The following PRKCA variants were observed in gnomAD, a reference collection of about 807,000 sequenced individuals.
The protein encoded by PRKCA is protein kinase C alpha, also known as protein kinase C alpha type.
PRKCA carries 27 observed loss-of-function variants against 87.0 expected under a neutral mutation model. The observed-to-expected ratio is 0.31, with a 90% CI of 0.23 to 0.43. The LOEUF (loss-of-function observed/expected upper bound fraction) is 0.43, where lower values mean the gene tolerates loss of function less well. PRKCA is among the 20% of genes least tolerant of loss of function. The probability of loss-of-function intolerance (pLI) is 1.00; values close to 1 mark genes in which losing one functional copy is unlikely to be tolerated. For synonymous variants in PRKCA, 329 were observed against 311.1 expected (o/e 1.06, Z -0.61); for missense variants, 518 against 852.3 (o/e 0.61, Z 4.88).
chr17:66,634,221 G>C (rs1971094824), intron 3 of PRKCA, among the ~76,000 whole-genome samples: 1 of 152,138 alleles, frequency 6.6e-6, no homozygotes, highest in South Asian at 2.1e-4. Flanking sequence ...TTTCCTAAGA[G>C]GTTTAGATTT....
At chr17:66,414,028 AG>A (rs1411906607) in intron 2 of PRKCA, among the ~76,000 whole-genome samples, 9 of 142,490 alleles carry the variant, frequency 6.3e-5, no homozygotes, top group Non-Finnish European at 1.2e-4. Flanking sequence ...AAAAAAAAAA[AG>A]ATTAAATATG....
chr17:66,679,416 C>T (rs902702554), intron 5 of PRKCA, among the ~76,000 whole-genome samples: 1 of 152,096 alleles, frequency 6.6e-6, no homozygotes, highest in Admixed American at 6.6e-5. Context: ...CTCCTGACCT[C>T]GTGATCCACC....
chr17:66,622,388 A>G (rs2143699546), intron 3 of PRKCA, among the ~76,000 whole-genome samples: 1 of 152,374 alleles, frequency 6.6e-6, no homozygotes, highest in South Asian at 2.1e-4. Context: ...ATTTTAGCCC[A>G]ACAGGGCAGA....
In PRKCA at chr17:66,807,034, C is replaced by T. The variant is rs911031289; in HGVS notation, c.*2997C>T. 6 of 152,402 alleles carry T rather than the reference C, an allele frequency of 3.9e-5. 1 individual carries two copies. Among genetic ancestry groups the T allele is most frequent in the African/African-American group, 1.4e-4 (6 of 41,596 alleles). 9.4% of individuals were successfully genotyped at this position (152,402 alleles called of 1,614,324 possible). On this transcript the variant is annotated 3_prime_UTR_variant, in exon 17 of 17. Transcript: ENST00000413366. This position sits in a 1 kb window ranked among gnomAD's most constrained non-coding sequence, Gnocchi z 4.3. The stretch of plus-strand genomic sequence containing the variant: ...GATAACCATGAGCAATGGCTCGCCT[C>T]AGAATCAGTTCATAAAATTCTATGG...
chr17:66,624,385 G>A (rs1367970983), intron 3 of PRKCA, among the ~76,000 whole-genome samples: 1 of 152,178 alleles, frequency 6.6e-6, no homozygotes, highest in Admixed American at 6.5e-5. Flanking sequence ...GTAGTACTTT[G>A]GGGAAGGAGT....
At chr17:66,795,020 G>A (rs903441880) in intron 16 of PRKCA, among the ~76,000 whole-genome samples, 13 of 151,826 alleles carry the variant, frequency 8.6e-5, no homozygotes, top group African/African-American at 2.9e-4. Context: ...CATTTTTTTT[G>A]CCATTACTTT....
chr17:66,749,924 A>T (rs1413890804), intron 13 of PRKCA, among the ~76,000 whole-genome samples: 1 of 151,978 alleles, frequency 6.6e-6, no homozygotes, highest in African/African-American at 2.4e-5. Context: ...AGGTTGGGGG[A>T]CCTGAGTGAA....
chr17:66,545,541 A>G (rs561189580), intron 3 of PRKCA, among the ~76,000 whole-genome samples: 5 of 152,290 alleles, frequency 3.3e-5, no homozygotes, highest in African/African-American at 1.2e-4. Flanking sequence ...TGCATTCCTG[A>G]GTGTGAGCTA....
At chr17:66,366,945 G>GT (rs1394589197) in intron 2 of PRKCA, among the ~76,000 whole-genome samples, 1 of 152,158 alleles carries the variant, frequency 6.6e-6, no homozygotes, top group Non-Finnish European at 1.5e-5. Context: ...AACAGGTGAG[G>GT]TTTTTACTCC....
At chr17:66,786,649 T>C (rs1226366607) in intron 14 of PRKCA, among the ~76,000 whole-genome samples, 1 of 152,176 alleles carries the variant, frequency 6.6e-6, no homozygotes, top group Non-Finnish European at 1.5e-5. Flanking sequence ...CAGGGCAAGA[T>C]AATTAACGAG....
intron 2 of PRKCA, among the ~76,000 whole-genome samples, chr17:66,493,171 T>A (rs566879473): frequency 1.3e-5 from 2 of 152,350 alleles, no homozygotes; most frequent in African/African-American, 4.8e-5. Context: ...AATCACATTA[T>A]ATTATGATTA....
chr17:66,458,512 A>G lies in PRKCA; in HGVS notation c.206-37689A>G, dbSNP rs145430822. Among the ~76,000 whole-genome samples, 936 of 149,586 alleles carry G rather than the reference A, an allele frequency of 6.3e-3. 14 individuals are homozygous for G. Among genetic ancestry groups the G allele is most frequent in the African/African-American group, 0.02 (826 of 40,570 alleles). The stretch of plus-strand genomic sequence containing the variant: ...TTTTTTTTTTTGAGACGGGGTTTCT[A>G]TTCTGTCGCCCAGGCTGGAGTGTAG... On this transcript the variant is annotated intron_variant, in intron 2 of 16. Coordinates refer to ENST00000413366, the MANE Select transcript of PRKCA (RefSeq NM_002737.3).
Position 66,562,153 on chromosome 17 carries a change from A to ATATATATAATTAAG in PRKCA, c.288+65871_288+65872insATATATAATTAAGT, listed in dbSNP as rs1567899870. 1.8e-3 allele frequency among the ~76,000 whole-genome samples: 61 copies of ATATATATAATTAAG among 34,194 alleles called. 6 individuals carry two copies. Among genetic ancestry groups the ATATATATAATTAAG allele is most frequent in the Middle Eastern group, 0.014 (1 of 70 alleles). 22.4% of individuals were successfully genotyped at this position (34,194 alleles called of 152,430 possible). On this transcript the variant is annotated intron_variant, in intron 3 of 16. Coordinates refer to ENST00000413366, the MANE Select transcript of PRKCA (RefSeq NM_002737.3). ...ATAATTAAATTATATATATAATTAA[A>ATATATATAATTAAG]TTATATATATAATTAAATATATATA...
chr17:66,545,877 A>C (rs1171210821), intron 3 of PRKCA, among the ~76,000 whole-genome samples: 1 of 152,240 alleles, frequency 6.6e-6, no homozygotes, highest in Non-Finnish European at 1.5e-5. Context: ...TTTTAGGAAA[A>C]AAAGTAAATT....
intron 3 of PRKCA, among the ~76,000 whole-genome samples, chr17:66,629,470 T>G (rs1176122283): frequency 6.6e-6 from 1 of 152,200 alleles, no homozygotes; most frequent in East Asian, 1.9e-4. Context: ...GATGGGATCT[T>G]GCAGACTCTG....
At chr17:66,650,445 A>C (rs1486488384) in intron 5 of PRKCA, among the ~76,000 whole-genome samples, 1 of 152,186 alleles carries the variant, frequency 6.6e-6, no homozygotes, top group Non-Finnish European at 1.5e-5. Context: ...AGTAGTAAAA[A>C]AAAAATCCCT....
chr17:66,618,121 G>T (rs1046844749), intron 3 of PRKCA, among the ~76,000 whole-genome samples: 2 of 152,086 alleles, frequency 1.3e-5, no homozygotes, highest in African/African-American at 4.8e-5. Context: ...TTCGGAGGCC[G>T]AGGTGGGTGG....
intron 5 of PRKCA, chr17:66,677,333 G>A (rs909275759): frequency 6.6e-6 from 1 of 152,274 alleles, no homozygotes; most frequent in Non-Finnish European, 1.5e-5. Context: ...ACCCACCTTG[G>A]CCTCCCAAAG....
At chr17:66,592,878 C>G (rs1408574592) in intron 3 of PRKCA, among the ~76,000 whole-genome samples, 4 of 152,196 alleles carry the variant, frequency 2.6e-5, no homozygotes, top group African/African-American at 9.7e-5. Flanking sequence ...CTGCAACTTC[C>G]ATCTCCTGGG....
Sources: gnomAD v4.1 joint callset for allele counts (sites outside exome capture counted in the v4.1 genomes callset) on GRCh38, gnomAD v4.1.1 for gene constraint, Gnocchi (gnomAD v3.1) non-coding constraint, MANE v1.5 for transcripts, NCBI Gene and HGNC (gene_info 2026-07-23, HGNC 2026-07-21) for gene names.